The following UBA2 variants were observed in gnomAD, a reference collection of about 807,000 sequenced individuals.
The protein encoded by UBA2 is SUMO-activating enzyme subunit 2.
A neutral mutation model predicts 77.2 loss-of-function variants in UBA2; 11 were observed. The ratio of observed to expected loss-of-function variants is 0.14; its 90% CI spans 0.09 to 0.24. The LOEUF (loss-of-function observed/expected upper bound fraction) is 0.24, where lower values mean the gene tolerates loss of function less well. Among genes scored for constraint, UBA2 ranks in the 10% least tolerant of loss-of-function variants. The pLI is 1.00. For missense variants in UBA2, 487 were observed against 781.7 expected (o/e 0.62, Z 4.50); for synonymous variants, 278 against 276.7 (o/e 1.00, Z -0.05).
rs550063711 is a variant in UBA2 at position 34,453,115 on chromosome 19, A to G, written c.1038+968A>G. On this transcript the variant is annotated intron_variant, in intron 10 of 16. Transcript: ENST00000246548. ...AGGGAAGACACTGTGTTGAGTATTC[A>G]GTATTCTTAGTCCTCACCACACCTT... 6.6e-4 allele frequency among the ~76,000 whole-genome samples: 101 copies of G among 152,340 alleles called. 1 individual carries two copies. The highest frequency in any genetic ancestry group is 2.4e-3 in the African/African-American group (100 of 41,576).
chr19:34,433,860 A>G, intron 4 of UBA2, among the ~76,000 whole-genome samples: 1 of 152,154 alleles, frequency 6.6e-6, no homozygotes. Flanking sequence ...CCGGAGGCTG[A>G]GGTGGGAGAA....
At chr19:34,465,542 C>T (rs548260687) in intron 15 of UBA2, among the ~76,000 whole-genome samples, 3 of 149,288 alleles carry the variant, frequency 2.0e-5, no homozygotes, top group African/African-American at 7.4e-5. Flanking sequence ...GAGGCTGAGG[C>T]GGGAGAATTG....
intron 12 of UBA2, among the ~76,000 whole-genome samples, chr19:34,454,878 C>T (rs762565906): frequency 1.4e-4 from 22 of 152,038 alleles, no homozygotes; most frequent in Non-Finnish European, 3.1e-4. Flanking sequence ...TTAAAATTTG[C>T]TTGGTCATTT....
rs74497752 is a variant in UBA2 at position 34,461,042 on chromosome 19, A to G, written c.1498+476A>G. Among the ~76,000 whole-genome samples the G allele has an allele frequency of 1.4e-4, 21 of 152,326 alleles. No individual in the cohort carries two copies. The East Asian group carries it at 4.0e-3, about 29-fold the overall frequency. On this transcript the variant is annotated intron_variant, in intron 14 of 16. Coordinates refer to ENST00000246548, the MANE Select transcript of UBA2 (RefSeq NM_005499.3). The stretch of plus-strand genomic sequence containing the variant: ...CATCCCTTTTGCTAACACATTTGCT[A>G]TACAAGGTACAATACATTTGATTCT...
intron 4 of UBA2, 39 bp downstream of exon 4, chr19:34,433,451 C>G (rs1332619206): frequency 1.5e-6 from 2 of 1,294,056 alleles, no homozygotes; most frequent in Non-Finnish European, 2.2e-6. Context: ...TCAGTATTTC[C>G]TCTCTCCCAT....
In UBA2 at chr19:34,454,575, ATTTT is replaced by A; in HGVS notation, c.1245+21_1245+24del. 1 of 1,254,664 alleles carries A rather than the reference ATTTT, an allele frequency of 8.0e-7. No individual in the cohort carries two copies. Among genetic ancestry groups the A allele is most frequent in the Non-Finnish European group, 1.1e-6 (1 of 896,610 alleles). 77.7% of individuals were successfully genotyped at this position (1,254,664 alleles called of 1,614,324 possible). ...CAGAACAGTGAGTATTTCTGTTTGCATTTTTATGCAACCCCCCTTAAAAAAATCA... is the reference window on the plus strand; with the variant it reads ...CAGAACAGTGAGTATTTCTGTTTGCATATGCAACCCCCCTTAAAAAAATCA... On this transcript the variant is annotated intron_variant, in intron 12 of 16. Coordinates refer to ENST00000246548, the MANE Select transcript of UBA2 (RefSeq NM_005499.3).
At chr19:34,438,584 C>G (rs1599896074) in intron 5 of UBA2, 61 bp from the exon 6 acceptor site, 1 of 1,595,494 alleles carries the variant, frequency 6.3e-7, no homozygotes, top group East Asian at 2.2e-5. Context: ...GTTTATATTA[C>G]CTTATAATGT....
At chr19:34,436,966 A>G (rs890403333) in intron 5 of UBA2, among the ~76,000 whole-genome samples, 2 of 152,232 alleles carry the variant, frequency 1.3e-5, no homozygotes, top group Non-Finnish European at 2.9e-5. Flanking sequence ...TCTGCATTGC[A>G]GTATGAGTCT....
Position 34,434,850 on chromosome 19 carries a change from T to A in UBA2, c.359-18T>A, listed in dbSNP as rs751716413. The A allele has an allele frequency of 1.3e-6, 2 of 1,578,608 alleles. No homozygotes were observed. Among genetic ancestry groups the A allele is most frequent in the Admixed American group, 3.5e-5 (2 of 57,332 alleles). On this transcript the variant is annotated intron_variant, in intron 4 of 16. Transcript: ENST00000246548. Reference sequence around the variant, plus strand: ...TTTTTTTTTTCCCAAAAACTCATACTGTTTGTTTTACTTCCAGCTGCCCGA... The same window carrying A: ...TTTTTTTTTTCCCAAAAACTCATACAGTTTGTTTTACTTCCAGCTGCCCGA...
chr19:34,440,298 A>G (rs1166190675), intron 6 of UBA2, among the ~76,000 whole-genome samples: 1 of 148,296 alleles, frequency 6.7e-6, no homozygotes, highest in East Asian at 1.9e-4. Flanking sequence ...ACAGCATGAG[A>G]TGATGTTTCA....
chr19:34,450,330 A>G lies in UBA2; in HGVS notation c.837A>G (p.Pro279=). ...AACTATGGCGGAAAAGGAAACCTCC[A>G]GTTCCGTTGGACTGGGCTGAAGTAC... ...MDKLWRKRKP[P]VPLDWAEVQS... The change falls in exon 9 of 17, where the codon CCA becomes CCG. Residue 279 remains proline, a synonymous_variant. Coordinates refer to ENST00000246548, the MANE Select transcript of UBA2 (RefSeq NM_005499.3). 1.9e-6 allele frequency: 3 copies of G among 1,610,392 alleles called. No homozygotes were observed. The highest frequency in any genetic ancestry group is 2.5e-6 in the Non-Finnish European group (3 of 1,179,162).
At position 34,433,420 on chromosome 19, in the gene UBA2, T is replaced by A. The variant is rs377504724; in HGVS notation, c.358+8T>A. On this transcript the variant is annotated splice_region_variant and intron_variant, in intron 4 of 16. Transcript: ENST00000246548. ...ATGCTTTAGATAACAGAGGTGAGGT[T>A]ATTTTAATACTTTTAATTTCTCAGT... The A allele has an allele frequency of 1.4e-4, 217 of 1,563,116 alleles. No homozygotes were observed. The highest frequency in any genetic ancestry group is 1.9e-4 in the Non-Finnish European group (211 of 1,137,664).
intron 5 of UBA2, among the ~76,000 whole-genome samples, chr19:34,435,338 C>T (rs536255457): frequency 6.6e-6 from 1 of 152,278 alleles, no homozygotes; most frequent in South Asian, 2.1e-4. Context: ...GCAGAGGTTG[C>T]AGTAAGCTGA....
intron 9 of UBA2, 88 bp downstream of exon 9, chr19:34,450,452 GAT>G (rs1470229221): frequency 7.0e-6 from 6 of 858,802 alleles, no homozygotes; most frequent in Non-Finnish European, 7.0e-6. Flanking sequence ...GCTTGAAAAT[GAT>G]ATGTCTTCAT....
At chr19:34,443,498 G>A (rs2075392735) in intron 6 of UBA2, among the ~76,000 whole-genome samples, 1 of 148,262 alleles carries the variant, frequency 6.7e-6, no homozygotes, top group Non-Finnish European at 1.5e-5. Flanking sequence ...CCGGAGTGCA[G>A]TTGTGCAGTC....
chr19:34,434,848 A>T lies in UBA2; in HGVS notation c.359-20A>T, dbSNP rs778152932. 74 of 1,571,988 alleles carry T rather than the reference A, an allele frequency of 4.7e-5. 1 individual carries two copies. In the Middle Eastern group the frequency reaches 1.2e-3, roughly 25 times the overall value. ...AATTTTTTTTTTCCCAAAAACTCAT[A>T]CTGTTTGTTTTACTTCCAGCTGCCC... is the stretch of plus-strand genomic sequence containing the variant. On this transcript the variant is annotated intron_variant, in intron 4 of 16. Transcript: ENST00000246548.
intron 1 of UBA2, 30 bp from the exon 2 acceptor site, chr19:34,430,546 G>T: frequency 6.4e-7 from 1 of 1,559,714 alleles, no homozygotes; most frequent in South Asian, 1.1e-5. Flanking sequence ...GTAAACGTTT[G>T]TCATTTATCT....
At chr19:34,458,695 A>G in intron 12 of UBA2, 74 bp from the exon 13 acceptor site, 1 of 1,312,606 alleles carries the variant, frequency 7.6e-7, no homozygotes, top group South Asian at 1.9e-5. Flanking sequence ...TATCTGGTAA[A>G]CGAGATTTTA....
chr19:34,466,097 A>G (rs1214411777), intron 15 of UBA2, among the ~76,000 whole-genome samples: 1 of 152,122 alleles, frequency 6.6e-6, no homozygotes, highest in Non-Finnish European at 1.5e-5. Flanking sequence ...GCACTTTGGG[A>G]GGCTGAGGCG....
Sources: gnomAD v4.1 joint callset for allele counts (sites outside exome capture counted in the v4.1 genomes callset) on GRCh38, gnomAD v4.1.1 for gene constraint, MANE v1.5 for transcripts, NCBI Gene and HGNC (gene_info 2026-07-23, HGNC 2026-07-21) for gene names.